DNMT1: variants seen among roughly 807,000 people sequenced by gnomAD.
The protein encoded by DNMT1 is DNA (cytosine-5)-methyltransferase 1.
In DNMT1, 24 loss-of-function variants were observed where a neutral mutation model predicts 205.3. The observed-to-expected ratio is 0.12, with a 90% CI of 0.08 to 0.16. DNMT1 has a LOEUF of 0.16. Among genes scored for constraint, DNMT1 ranks in the 10% least tolerant of loss-of-function variants. The pLI, the probability that DNMT1 is intolerant of heterozygous loss-of-function variation, is 1.00. For synonymous variants in DNMT1, 817 were observed against 839.8 expected, an observed-to-expected ratio of 0.97 and a Z score of 0.47; for missense variants, 1,293 against 2,177.7, an observed-to-expected ratio of 0.59 and a Z score of 8.09.
chr19:10,141,299 G>T, intron 30 of DNMT1, 110 bp from the exon 31 acceptor site: 1 of 1,104,374 alleles, frequency 9.1e-7, no homozygotes, highest in Non-Finnish European at 1.4e-6. Flanking sequence ...CCTCAGTGGG[G>T]CCATGACCAA....
intron 1 of DNMT1, among the ~76,000 whole-genome samples, chr19:10,193,951 C>T (rs1332488160): frequency 6.6e-6 from 1 of 152,118 alleles, no homozygotes; most frequent in South Asian, 2.1e-4. Flanking sequence ...TCCTTGTGCA[C>T]GGAAGTTGGA....
intron 19 of DNMT1, 135 bp from the exon 20 acceptor site, chr19:10,155,191 G>A (rs2038431215): frequency 8.3e-7 from 1 of 1,210,836 alleles, no homozygotes; most frequent in Non-Finnish European, 1.2e-6. Context: ...CAGAAACATA[G>A]GGCACAACAC....
In DNMT1 at chr19:10,149,938, C is replaced by T; in HGVS notation, c.2296G>A (p.Val766Met). 6.2e-7 allele frequency: 1 copy of T among 1,614,202 alleles called. No homozygotes were observed. The change falls in exon 25 of 41, where the codon GTG becomes ATG. Residue 766 changes from valine (V) to methionine (M), a missense_variant. By Grantham distance (21) the Val-to-Met change is conservative. Around this residue, in one of 13 missense-constraint regions of DNMT1, gnomAD observed 197 missense variants for 353.6 expected, o/e 0.56. Transcript: ENST00000359526. ...TCCAGGGTTTCCGCATCAATGCACA[C>T]CTTCTTATAGTAACTCTTCTTCCCA... The part of the protein sequence containing the change: ...TDGKKSYYKK[V>M]CIDAETLEVG...
intron 17 of DNMT1, among the ~76,000 whole-genome samples, chr19:10,158,334 A>G (rs972843482): frequency 2.0e-5 from 3 of 152,158 alleles, no homozygotes; most frequent in African/African-American, 7.2e-5. Flanking sequence ...TGATCTAGAT[A>G]GAAGGATCCC....
chr19:10,189,357 G>A (rs1448847323), intron 1 of DNMT1, among the ~76,000 whole-genome samples: 2 of 151,772 alleles, frequency 1.3e-5, no homozygotes, highest in African/African-American at 4.8e-5. Context: ...TCCTGACCTC[G>A]TGATCTGCCC....
chr19:10,138,442 G>A lies in DNMT1; in HGVS notation c.4112C>T (p.Thr1371Ile). Residue 1371 changes from threonine (T) to isoleucine (I), a missense_variant, in exon 35 of 41, where the codon ACC becomes ATC. By Grantham distance (89) the Thr-to-Ile change is moderately conservative. Transcript: ENST00000359526. This position sits in a 1 kb window ranked among gnomAD's most constrained non-coding sequence, Gnocchi z 4.1. ...VDDKKFVSNITRLSSGPFRTI... is the reference protein window; with the variant it reads ...VDDKKFVSNIIRLSSGPFRTI... ...AGGAGCGACGGGGGCCACCTACCTG[G>A]TTATGTTGCTCACAAACTTCTTGTC... 1 of 1,613,986 alleles carries A rather than the reference G, an allele frequency of 6.2e-7. No individual in the cohort carries two copies. Among genetic ancestry groups the A allele is most frequent in the Non-Finnish European group, 8.5e-7 (1 of 1,180,042 alleles).
rs774024398 is a variant in DNMT1 at position 10,141,233 on chromosome 19, GT to G, written c.3310-45del. 68 of 1,588,814 alleles carry G rather than the reference GT, an allele frequency of 4.3e-5. No individual in the cohort carries two copies. The Middle Eastern group carries it at 5.0e-4, about 12-fold the overall frequency. On this transcript the variant is annotated intron_variant, in intron 30 of 40. Coordinates refer to ENST00000359526, the MANE Select transcript of DNMT1 (RefSeq NM_001130823.3). ...CAATCGTTTGGGAGAGAAACGCACTGTCCCCTCTCTAACGCAGACTAGTAAG... is the reference window on the plus strand; with the variant it reads ...CAATCGTTTGGGAGAGAAACGCACTGCCCCTCTCTAACGCAGACTAGTAAG...
At chr19:10,172,040 C>T (rs2038830323) in intron 9 of DNMT1, among the ~76,000 whole-genome samples, 1 of 151,344 alleles carries the variant, frequency 6.6e-6, no homozygotes, top group Non-Finnish European at 1.5e-5. Flanking sequence ...TAAATAAATA[C>T]CACAAATAAG....
chr19:10,177,413 A>G, intron 5 of DNMT1, 46 bp from the exon 6 acceptor site: 1 of 1,571,056 alleles, frequency 6.4e-7, no homozygotes, highest in Non-Finnish European at 8.7e-7. Context: ...AAAAGCCACT[A>G]TCAATAGAAA....
intron 6 of DNMT1, among the ~76,000 whole-genome samples, chr19:10,176,723 C>A (rs7253378): frequency 0.35 from 53,584 of 151,670 alleles, 10,096 homozygotes; most frequent in Non-Finnish European, 0.43. Context: ...CCAGGCGTGG[C>A]GGCGCGCGCC....
At chr19:10,141,773 T>A in intron 30 of DNMT1, 1 of 532,488 alleles carries the variant, frequency 1.9e-6, no homozygotes, top group Non-Finnish European at 3.4e-6. Context: ...AACGTTAGGT[T>A]CTCTAATGAC....
chr19:10,164,921 A>G (rs2038653528), intron 11 of DNMT1, among the ~76,000 whole-genome samples: 1 of 27,948 alleles, frequency 3.6e-5, no homozygotes, highest in Non-Finnish European at 6.2e-5. Context: ...CTTAAAAAAA[A>G]AAAAAAAAAA....
At chr19:10,148,116 C>CAAAAAAAAAA (rs35310173) in intron 27 of DNMT1, among the ~76,000 whole-genome samples, 1 of 59,290 alleles carries the variant, frequency 1.7e-5, no homozygotes, top group African/African-American at 7.3e-5. Flanking sequence ...AACTCTGTCT[C>CAAAAAAAAAA]AAAAAAAAAA....
Position 10,180,179 on chromosome 19 carries a change from G to A in DNMT1, c.493+8C>T, listed in dbSNP as rs138998574. On this transcript the variant is annotated splice_region_variant and intron_variant, in intron 5 of 40. Transcript: ENST00000359526. ...ATACAAAAATTAGCTGGGTGTGGTGGCACATACCTCTAATCCCAGTTACTT... is the reference window on the plus strand; with the variant it reads ...ATACAAAAATTAGCTGGGTGTGGTGACACATACCTCTAATCCCAGTTACTT... 985 of 768,956 alleles carry A rather than the reference G, an allele frequency of 1.3e-3. 1 individual carries two copies. The highest frequency in any genetic ancestry group is 1.8e-3 in the Non-Finnish European group (831 of 460,168). 47.6% of individuals were successfully genotyped at this position (768,956 alleles called of 1,614,324 possible). A position where few individuals can be genotyped will look rare whatever the true frequency, so the allele number is the denominator to read the frequency against.
rs201749864 is a variant in DNMT1 at position 10,173,122 on chromosome 19, G to A, written c.736C>T (p.Arg246Cys). Residue 246 changes from arginine to cysteine, a missense_variant, in exon 9 of 41, where the codon CGC becomes TGC. Arg to Cys is a radical substitution (Grantham distance 180, BLOSUM62 -3). Transcript: ENST00000359526. ...TCTCTTTCTTCTTCCTTTTCAGTGC[G>A]CGTTCCTGATTTTGCTCTTTCAGGT... is the stretch of plus-strand genomic sequence containing the variant. ...EEPERAKSGT[R>C]TEKEEERDEK... 1.9e-5 allele frequency: 31 copies of A among 1,614,024 alleles called. No individual in the cohort carries two copies. The highest frequency in any genetic ancestry group is 1.6e-4 in the Middle Eastern group (1 of 6,062).
Position 10,141,148 on chromosome 19 carries a change from G to A in DNMT1, c.3351C>T (p.Asn1117=), listed in dbSNP as rs534263445. 5.8e-5 allele frequency: 93 copies of A among 1,614,044 alleles called. 1 individual carries two copies. The East Asian group carries it at 2.0e-3, about 34-fold the overall frequency. ...CTTTGTTTCCAGGGCTACGGGCATGGTTGGGAGGATCTTCAAAGCTTTTGC... is the reference window on the plus strand; with the variant it reads ...CTTTGTTTCCAGGGCTACGGGCATGATTGGGAGGATCTTCAAAGCTTTTGC... ...AKSKSFEDPP[N]HARSPGNKGK... is the part of the protein sequence containing the mutation. The change falls in exon 31 of 41, where the codon AAC becomes AAT. Residue 1117 remains asparagine, a synonymous_variant. Coordinates refer to ENST00000359526, the MANE Select transcript of DNMT1 (RefSeq NM_001130823.3).
chr19:10,182,299 G>A (rs1054854334), intron 1 of DNMT1, among the ~76,000 whole-genome samples: 50 of 151,706 alleles, frequency 3.3e-4, no homozygotes, highest in African/African-American at 1.1e-3. Context: ...TTCCCCTTTT[G>A]GGGGTCATTT....
intron 1 of DNMT1, among the ~76,000 whole-genome samples, chr19:10,187,493 CG>C (rs1446163017): frequency 2.6e-5 from 4 of 151,522 alleles, no homozygotes; most frequent in Admixed American, 6.6e-5. Context: ...CTTAGCTACT[CG>C]GGAGGCAGAG....
At chr19:10,141,999 G>A in intron 30 of DNMT1, 29 bp downstream of exon 30, 1 of 1,610,242 alleles carries the variant, frequency 6.2e-7, no homozygotes, top group Non-Finnish European at 8.5e-7. Context: ...TGACCCCGAA[G>A]CCTTCCCTCT....
Sources: gnomAD v4.1 joint callset for allele counts (sites outside exome capture counted in the v4.1 genomes callset) on GRCh38, gnomAD v4.1.1 for gene constraint, gnomAD v4.1.1 regional missense constraint, Gnocchi (gnomAD v3.1) non-coding constraint, MANE v1.5 for transcripts, NCBI Gene and HGNC (gene_info 2026-07-23, HGNC 2026-07-21) for gene names.